Variants in KCNC2 observed in about 807,000 individuals in gnomAD.
The protein encoded by KCNC2 is potassium voltage-gated channel subfamily C member 2, also known as voltage-gated potassium channel KCNC2.
A neutral mutation model predicts 44.5 loss-of-function variants in KCNC2; 21 were observed. That is an observed-to-expected ratio of 0.47 (90% CI 0.33 to 0.68). The LOEUF is 0.68. Among genes scored for constraint, KCNC2 ranks in the 30% least tolerant of loss-of-function variants. KCNC2 has a pLI of 0.01. For missense variants in KCNC2, 589 were observed against 826.2 expected (o/e 0.71, Z 3.52); for synonymous variants, 391 against 339.1 (o/e 1.15, Z -1.68).
At chr12:75,043,330 C>A in intron 4 of KCNC2, 89 bp from the exon 5 acceptor site, 1 of 1,500,318 alleles carries the variant, frequency 6.7e-7, no homozygotes, top group South Asian at 1.4e-5. Flanking sequence ...AAAAGTGCTA[C>A]TTTCAAGCTC....
chr12:75,200,499 T>G (rs2031155209), intron 2 of KCNC2, among the ~76,000 whole-genome samples: 1 of 151,822 alleles, frequency 6.6e-6, no homozygotes, highest in African/African-American at 2.4e-5. Context: ...TAAAGCCATA[T>G]TCCCACAAAT....
At chr12:75,068,869 G>GT (rs1362063918) in intron 2 of KCNC2, among the ~76,000 whole-genome samples, 5 of 152,116 alleles carry the variant, frequency 3.3e-5, no homozygotes, top group African/African-American at 1.2e-4. Flanking sequence ...TTCTTTACAA[G>GT]TTTTACCATA....
chr12:75,147,355 A>C lies in KCNC2; in HGVS notation c.687+59942T>G, dbSNP rs1890094986. ...AATCTATTATTTCAATGAAGCTCTG[A>C]TTATTAACCAGACAACGTTTTCTTA... On this transcript the variant is annotated intron_variant, in intron 2 of 4. Coordinates refer to ENST00000549446, the MANE Select transcript of KCNC2 (RefSeq NM_139137.4). Among the ~76,000 whole-genome samples the C allele has an allele frequency of 2.0e-5, 3 of 152,234 alleles. No homozygotes were observed. In the South Asian group the frequency reaches 6.2e-4, roughly 31 times the overall value.
chr12:75,151,033 A>G (rs1355027593), intron 2 of KCNC2, among the ~76,000 whole-genome samples: 1 of 151,912 alleles, frequency 6.6e-6, no homozygotes, highest in Non-Finnish European at 1.5e-5. Context: ...ATCAAAAATG[A>G]TTTTTATCTT....
intron 2 of KCNC2, among the ~76,000 whole-genome samples, chr12:75,105,602 G>T (rs1015231463): frequency 6.6e-6 from 1 of 152,146 alleles, no homozygotes; most frequent in African/African-American, 2.4e-5. Flanking sequence ...TTAAATTCTA[G>T]ATATATTTTC....
intron 2 of KCNC2, among the ~76,000 whole-genome samples, chr12:75,143,339 A>G (rs953123120): frequency 6.6e-6 from 1 of 152,132 alleles, no homozygotes; most frequent in African/African-American, 2.4e-5. Flanking sequence ...CCATCCAGAA[A>G]CAGAATTTTT....
chr12:75,160,758 C>A (rs1891070550), intron 2 of KCNC2, among the ~76,000 whole-genome samples: 1 of 151,758 alleles, frequency 6.6e-6, no homozygotes, highest in Non-Finnish European at 1.5e-5. Flanking sequence ...ATACTCAAGG[C>A]TCAATTAAGA....
At chr12:75,152,519 C>A (rs2137472945) in intron 2 of KCNC2, among the ~76,000 whole-genome samples, 1 of 151,944 alleles carries the variant, frequency 6.6e-6, no homozygotes, top group Middle Eastern at 3.4e-3. Context: ...GAAAAACATT[C>A]TCACTAAAGG....
At chr12:75,118,048 T>G in intron 2 of KCNC2, among the ~76,000 whole-genome samples, 1 of 152,210 alleles carries the variant, frequency 6.6e-6, no homozygotes, top group East Asian at 1.9e-4. Flanking sequence ...ATCCTTCATT[T>G]TTGTAACTCA....
At chr12:75,083,348 T>G (rs1376131504) in intron 2 of KCNC2, among the ~76,000 whole-genome samples, 1 of 151,812 alleles carries the variant, frequency 6.6e-6, no homozygotes, top group Non-Finnish European at 1.5e-5. Context: ...TTTAAAACTT[T>G]CCAGATTTAC....
chr12:75,107,511 A>G (rs1886885605), intron 2 of KCNC2, among the ~76,000 whole-genome samples: 1 of 152,194 alleles, frequency 6.6e-6, no homozygotes, highest in Non-Finnish European at 1.5e-5. Flanking sequence ...GATTTCTCGA[A>G]GATTAATTTT....
chr12:75,170,377 G>A (rs1355432874), intron 2 of KCNC2, among the ~76,000 whole-genome samples: 2 of 151,572 alleles, frequency 1.3e-5, no homozygotes, highest in East Asian at 2.0e-4. Context: ...AGTTGTCCCT[G>A]GTTTCAAGCT....
At chr12:75,161,773 T>C (rs1315209915) in intron 2 of KCNC2, among the ~76,000 whole-genome samples, 1 of 151,740 alleles carries the variant, frequency 6.6e-6, no homozygotes, top group Non-Finnish European at 1.5e-5. Context: ...ATATTTACTC[T>C]CAATTTTCTC....
At chr12:75,133,092 T>C (rs1352402577) in intron 2 of KCNC2, among the ~76,000 whole-genome samples, 2 of 151,984 alleles carry the variant, frequency 1.3e-5, no homozygotes, top group Non-Finnish European at 2.9e-5. Context: ...TATACCCTAG[T>C]TTTTCTCCAG....
intron 2 of KCNC2, among the ~76,000 whole-genome samples, chr12:75,105,915 C>CT (rs200100425): frequency 0.16 from 23,246 of 144,776 alleles, 1,902 homozygotes; most frequent in East Asian, 0.26. Flanking sequence ...AAATTTCTTT[C>CT]TTTTTTTTTT....
rs1593093727 is a variant in KCNC2 at position 75,204,108 on chromosome 12, C to T, written c.687+3189G>A. On this transcript the variant is annotated intron_variant, in intron 2 of 4. Coordinates refer to ENST00000549446, the MANE Select transcript of KCNC2 (RefSeq NM_139137.4). ...TAAACTCTCATTTTTTTCCTGATCTCGTTTTCTCCACAACAGGTTTCCATG... is the reference window on the plus strand; with the variant it reads ...TAAACTCTCATTTTTTTCCTGATCTTGTTTTCTCCACAACAGGTTTCCATG... Among the ~76,000 whole-genome samples the T allele has an allele frequency of 2.0e-5, 3 of 151,918 alleles. No individual in the cohort carries two copies. The South Asian group carries it at 6.2e-4, about 32-fold the overall frequency.
At chr12:75,154,450 C>G (rs763368206) in intron 2 of KCNC2, among the ~76,000 whole-genome samples, 1 of 151,960 alleles carries the variant, frequency 6.6e-6, no homozygotes, top group East Asian at 1.9e-4. Flanking sequence ...AGACTCCCAG[C>G]CTGATGGCCT....
chr12:75,049,285 T>C (rs1367543554), intron 3 of KCNC2, among the ~76,000 whole-genome samples: 3 of 152,124 alleles, frequency 2.0e-5, no homozygotes, highest in Non-Finnish European at 4.4e-5. Context: ...ATGCCTCCTT[T>C]TTTGTTAGTT....
intron 2 of KCNC2, among the ~76,000 whole-genome samples, chr12:75,061,003 G>A (rs1189084993): frequency 1.3e-5 from 2 of 151,978 alleles, no homozygotes; most frequent in Non-Finnish European, 2.9e-5. Context: ...CTTGAAATCT[G>A]GTCAAAATTA....
Sources: gnomAD v4.1 joint callset for allele counts (sites outside exome capture counted in the v4.1 genomes callset) on GRCh38, gnomAD v4.1.1 for gene constraint, MANE v1.5 for transcripts, NCBI Gene and HGNC (gene_info 2026-07-23, HGNC 2026-07-21) for gene names.